Variants in DDX3X observed in about 807,000 individuals in gnomAD.
The protein encoded by DDX3X is DEAD-box helicase 3 X-linked.
DDX3X carries 4 observed loss-of-function variants against 52.7 expected under a neutral mutation model. The observed-to-expected ratio is 0.08, with a 90% CI of 0.04 to 0.17. The LOEUF is 0.17. Ranked by LOEUF, DDX3X falls within the 10% of genes least tolerant of loss-of-function variation. The pLI is 1.00. For synonymous variants in DDX3X, 192 were observed against 178.1 expected, an observed-to-expected ratio of 1.08 and a Z score of -0.62; for missense variants, 222 against 548.6, an observed-to-expected ratio of 0.40 and a Z score of 5.95.
chrX:41,354,822 T>TTTGTTG (rs200807872), downstream of DDX3X, among the ~76,000 whole-genome samples: 451 of 104,881 alleles, frequency 4.3e-3, 4 homozygotes, highest in African/African-American at 0.012. Context: ...TGTAAATAGT[T>TTTGTTG]TTGTTGTTGT....
At chrX:41,350,704 ATTGC>A (rs959530372), downstream of DDX3X, 3 of 111,337 alleles carry the variant, frequency 2.7e-5, no homozygotes, top group Non-Finnish European at 5.6e-5. Context: ...GGGCAGGAAG[ATTGC>A]TTGAGCCCAC....
downstream of DDX3X, chrX:41,350,735 T>C (rs1221520801): frequency 9.0e-6 from 1 of 111,613 alleles, no homozygotes; most frequent in Non-Finnish European, 1.9e-5. Flanking sequence ...AAGTCCAGCC[T>C]GGGCAACGTA....
intron 5 of DDX3X, among the ~76,000 whole-genome samples, chrX:41,361,125 C>T (rs1167366776): frequency 4.6e-5 from 5 of 107,854 alleles, no homozygotes; most frequent in Non-Finnish European, 3.8e-5. Context: ...CTGCCCCCTG[C>T]TTCCTGCAAG....
At chrX:41,356,860 G>T (rs1356093566) in intron 5 of DDX3X, among the ~76,000 whole-genome samples, 1 of 108,296 alleles carries the variant, frequency 9.2e-6, no homozygotes, top group Non-Finnish European at 1.9e-5. Flanking sequence ...CTATTTCTAG[G>T]TTCACAATTC....
chrX:41,341,142 CGCCTG>C (rs1569235977), intron 3 of DDX3X: 1 of 157,084 alleles, frequency 6.4e-6, no homozygotes. Flanking sequence ...TGGGCCACCA[CGCCTG>C]GCTAATATTG....
intron 1 of DDX3X, 99 bp from the exon 2 acceptor site, chrX:41,337,309 A>G: frequency 1.4e-6 from 1 of 701,946 alleles, no homozygotes; most frequent in Non-Finnish European, 2.3e-6. Flanking sequence ...CTGGGCAACT[A>G]CTTGAATGCA....
chrX:41,334,841 G>C, intron 1 of DDX3X: 2 of 761,422 alleles, frequency 2.6e-6, no homozygotes, highest in Non-Finnish European at 3.3e-6. Context: ...TCTTTTGTGT[G>C]GTGCTGGGCG....
chrX:41,340,631 C>G (rs1029845247), intron 3 of DDX3X: 3 of 273,428 alleles, frequency 1.1e-5, no homozygotes, highest in Non-Finnish European at 1.9e-5. Context: ...TTTTCTTTTT[C>G]CCAGGTATTC....
intron 1 of DDX3X, 66 bp downstream of exon 1, chrX:41,334,363 A>G: frequency 8.5e-7 from 1 of 1,178,515 alleles, no homozygotes; most frequent in Non-Finnish European, 1.1e-6. Flanking sequence ...AACCTGGCTA[A>G]TGGCGCAGCG....
At chrX:41,350,882 T>A (rs779640762), downstream of DDX3X, 1 of 112,267 alleles carries the variant, frequency 8.9e-6, no homozygotes, top group Non-Finnish European at 1.9e-5. Context: ...CGTTTCAATC[T>A]AACAAATACG....
Position 41,339,022 on chromosome X carries a change from A to G in DDX3X, c.104-14A>G, listed in dbSNP as rs1439070715. On this transcript the variant is annotated splice_polypyrimidine_tract_variant and intron_variant, in intron 2 of 16. Transcript: ENST00000644876. ...GGCATTTAATTAATTTTATATATAT[A>G]TATATTTTTTTAGAAGGGCGCTATA... 3 of 846,024 alleles carry G rather than the reference A, an allele frequency of 3.5e-6. No individual in the cohort carries two copies. The African/African-American group carries it at 6.5e-5, about 18-fold the overall frequency. 69.7% of individuals were successfully genotyped at this position (846,024 alleles called of 1,213,427 possible).
In DDX3X at chrX:41,348,212, T is replaced by C. The variant is rs1275665342; in HGVS notation, c.*493T>C. The C allele has an allele frequency of 6.3e-5, 12 of 189,067 alleles. No individual in the cohort carries two copies. The highest frequency in any genetic ancestry group is 3.0e-4 in the South Asian group (1 of 3,370). 15.6% of individuals were successfully genotyped at this position (189,067 alleles called of 1,213,427 possible). A position where few individuals can be genotyped will look rare whatever the true frequency, so the allele number is the denominator to read the frequency against. On this transcript the variant is annotated 3_prime_UTR_variant, in exon 17 of 17. Coordinates refer to ENST00000644876, the MANE Select transcript of DDX3X (RefSeq NM_001356.5). ...CATAAATAATATAAGGAAAAACTTA[T>C]GCGGTAGCCTGCATTAGGGCTTTTT...
chrX:41,334,525 G>A, intron 1 of DDX3X: 4 of 1,094,362 alleles, frequency 3.7e-6, no homozygotes, highest in Non-Finnish European at 4.8e-6. Context: ...GCACAATGGC[G>A]GCTTTTGTGT....
chrX:41,334,603 C>T (rs1233223066), intron 1 of DDX3X: 2 of 1,087,315 alleles, frequency 1.8e-6, no homozygotes, highest in Non-Finnish European at 2.4e-6. Flanking sequence ...ATGCGCGAAT[C>T]CCGACTGATT....
chrX:41,335,203 T>TG (rs1356844651), intron 1 of DDX3X: 1 of 110,770 alleles, frequency 9.0e-6, no homozygotes, highest in Non-Finnish European at 1.9e-5. Context: ...AGATTGTCCC[T>TG]GTGTGGTATG....
rs955465927 is a variant in DDX3X at position 41,349,321 on chromosome X, A to G, written c.*1602A>G. On this transcript the variant is annotated 3_prime_UTR_variant, in exon 17 of 17. Coordinates refer to ENST00000644876, the MANE Select transcript of DDX3X (RefSeq NM_001356.5). ...TGCACATTCAGAGAATTTTATATAT[A>G]TGTCTTGTGTGCGTGTCCTTAAACT... The G allele has an allele frequency of 1.8e-5, 2 of 111,620 alleles. No homozygotes were observed. The highest frequency in any genetic ancestry group is 3.3e-5 in the African/African-American group (1 of 30,581). 9.2% of individuals were successfully genotyped at this position (111,620 alleles called of 1,213,427 possible). A position where few individuals can be genotyped will look rare whatever the true frequency, so the allele number is the denominator to read the frequency against.
intron 5 of DDX3X, among the ~76,000 whole-genome samples, chrX:41,363,158 G>T (rs1389833097): frequency 8.9e-6 from 1 of 112,109 alleles, no homozygotes; most frequent in African/African-American, 3.2e-5. Context: ...GAGTGCAATG[G>T]CTCACACCTG....
At position 41,346,413 on chromosome X, in the gene DDX3X, A is replaced by ATG; in HGVS notation, c.1497+5_1497+6dup. Reference sequence around the variant, plus strand: ...GCCCAATTTTAGTGGCTACAGCAGTATGTATAAACATCTTTCTTTTATTCA... The same window carrying ATG: ...GCCCAATTTTAGTGGCTACAGCAGTATGTGTATAAACATCTTTCTTTTATTCA... On this transcript the variant is annotated splice_donor_region_variant and intron_variant, in intron 13 of 16. Transcript: ENST00000644876. 1 of 1,204,145 alleles carries ATG rather than the reference A, an allele frequency of 8.3e-7. No individual in the cohort carries two copies. The highest frequency in any genetic ancestry group is 1.1e-6 in the Non-Finnish European group (1 of 891,332).
chrX:41,351,561 G>GA (rs1216691671), downstream of DDX3X: 1 of 111,675 alleles, frequency 9.0e-6, no homozygotes, highest in Non-Finnish European at 1.9e-5. Flanking sequence ...ACAATGCAGA[G>GA]ATACCTACTT....
Sources: allele counts gnomAD v4.1 joint callset (sites outside exome capture counted in the v4.1 genomes callset), GRCh38; gene constraint gnomAD v4.1.1; transcripts MANE v1.5; gene names NCBI Gene and HGNC (gene_info 2026-07-23, HGNC 2026-07-21).